ABCB11: variants seen among roughly 807,000 people sequenced by gnomAD.
The protein encoded by ABCB11 is bile salt export pump.
In ABCB11, 95 loss-of-function variants were observed where a neutral mutation model predicts 148.0. The observed-to-expected ratio is 0.64, with a 90% CI of 0.54 to 0.76. ABCB11 has a LOEUF of 0.76. Among genes scored for constraint, ABCB11 ranks in the 30% least tolerant of loss-of-function variants. The probability of loss-of-function intolerance (pLI) is 0.00; values close to 1 mark genes in which losing one functional copy is unlikely to be tolerated. For missense variants in ABCB11, 1,523 were observed against 1,617.8 expected, an observed-to-expected ratio of 0.94 and a Z score of 1.01; for synonymous variants, 591 against 555.4, an observed-to-expected ratio of 1.06 and a Z score of -0.90.
intron 10 of ABCB11, 134 bp from the exon 11 acceptor site, chr2:168,980,113 T>A: frequency 1.9e-6 from 1 of 526,970 alleles, no homozygotes; most frequent in East Asian, 3.4e-5. Flanking sequence ...GCTAGCTCTT[T>A]GGCTGTTTGG....
chr2:168,921,732 A>G lies in ABCB11; in HGVS notation c.*1890T>C, dbSNP rs1486036985. Among the ~76,000 whole-genome samples the G allele has an allele frequency of 6.6e-6, 1 of 152,060 alleles. No homozygotes were observed. Among genetic ancestry groups the G allele is most frequent in the Non-Finnish European group, 1.5e-5 (1 of 68,018 alleles). On this transcript the variant is annotated 3_prime_UTR_variant, in exon 28 of 28. Coordinates refer to ENST00000650372, the MANE Select transcript of ABCB11 (RefSeq NM_003742.4). ...TCCCATGCAAGGAGGAGACACCAAA[A>G]AGCCTGGGGAAGCTCTGATCGAGTG...
At chr2:168,996,400 G>A (rs1694713770) in intron 6 of ABCB11, among the ~76,000 whole-genome samples, 1 of 151,846 alleles carries the variant, frequency 6.6e-6, no homozygotes, top group Non-Finnish European at 1.5e-5. Flanking sequence ...AAAGGCAGGG[G>A]GAGGACAGGA....
At chr2:168,935,092 G>T in intron 23 of ABCB11, 92 bp downstream of exon 23, 1 of 1,513,014 alleles carries the variant, frequency 6.6e-7, no homozygotes, top group Non-Finnish European at 9.0e-7. Flanking sequence ...AGCTTGGGAT[G>T]GTTTGCTAAG....
chr2:169,008,915 T>C (rs1372098690), intron 5 of ABCB11, among the ~76,000 whole-genome samples: 1 of 152,242 alleles, frequency 6.6e-6, no homozygotes, highest in Non-Finnish European at 1.5e-5. Flanking sequence ...GATGAACAGA[T>C]ACATAACATG....
At chr2:169,027,241 C>G (rs768280756) in intron 1 of ABCB11, among the ~76,000 whole-genome samples, 2 of 152,124 alleles carry the variant, frequency 1.3e-5, no homozygotes, top group Non-Finnish European at 2.9e-5. Context: ...TTAAGGGAAT[C>G]TAAGAGTAAA....
chr2:168,938,238 C>T (rs1691912779), intron 21 of ABCB11, among the ~76,000 whole-genome samples: 2 of 152,158 alleles, frequency 1.3e-5, no homozygotes, highest in Non-Finnish European at 2.9e-5. Context: ...CTCATTTGTA[C>T]ACCCACGTTC....
intron 13 of ABCB11, among the ~76,000 whole-genome samples, chr2:168,973,058 CT>C (rs1465582700): frequency 6.6e-6 from 1 of 151,950 alleles, no homozygotes; most frequent in Non-Finnish European, 1.5e-5. Flanking sequence ...GGACTGCTCT[CT>C]CTTAATTTCA....
intron 19 of ABCB11, among the ~76,000 whole-genome samples, chr2:168,948,849 G>C (rs1467089847): frequency 1.3e-5 from 2 of 151,596 alleles, no homozygotes; most frequent in Non-Finnish European, 3.0e-5. Context: ...TGGTGGCTGG[G>C]GCCCTCCTTA....
chr2:168,928,725 C>T (rs866176675), intron 25 of ABCB11, among the ~76,000 whole-genome samples: 1 of 152,160 alleles, frequency 6.6e-6, no homozygotes. Flanking sequence ...TCTATGTTGG[C>T]TGCAGGCATG....
chr2:168,985,391 A>G (rs1161740554), intron 10 of ABCB11, among the ~76,000 whole-genome samples: 19 of 152,266 alleles, frequency 1.2e-4, no homozygotes, highest in Admixed American at 1.2e-3. Flanking sequence ...CAATCCCACT[A>G]CTGGGTATCT....
Position 168,995,341 on chromosome 2 carries a change from C to G in ABCB11, c.611+8G>C, listed in dbSNP as rs1316685102. ...ACACACTAAAATACTGTTTTACCAG[C>G]TACTTACTCAGAGAATCTTGTATTC... On this transcript the variant is annotated splice_region_variant and intron_variant, in intron 7 of 27. Coordinates refer to ENST00000650372, the MANE Select transcript of ABCB11 (RefSeq NM_003742.4). 2 of 1,610,632 alleles carry G rather than the reference C, an allele frequency of 1.2e-6. No individual in the cohort carries two copies. Among genetic ancestry groups the G allele is most frequent in the East Asian group, 2.2e-5 (1 of 44,764 alleles).
intron 21 of ABCB11, among the ~76,000 whole-genome samples, chr2:168,940,414 TC>T (rs2105905269): frequency 6.6e-6 from 1 of 152,200 alleles, no homozygotes; most frequent in South Asian, 2.1e-4. Context: ...GGAGACAAGA[TC>T]AAACCTGCTA....
At chr2:168,986,330 A>AT in intron 9 of ABCB11, 46 bp from the exon 10 acceptor site, 1 of 1,530,918 alleles carries the variant, frequency 6.5e-7, no homozygotes, top group Admixed American at 1.7e-5. Flanking sequence ...AAACAGCTCA[A>AT]GTTATAATGT....
At chr2:169,026,393 G>A (rs1035255186) in intron 1 of ABCB11, among the ~76,000 whole-genome samples, 1 of 152,198 alleles carries the variant, frequency 6.6e-6, no homozygotes, top group African/African-American at 2.4e-5. Flanking sequence ...GTCAGAAATG[G>A]AAGCTAGTCC....
chr2:168,996,710 G>C lies in ABCB11; in HGVS notation c.402C>G (p.Ile134Met). 1.3e-6 allele frequency: 2 copies of C among 1,560,258 alleles called. No homozygotes were observed. Among genetic ancestry groups the C allele is most frequent in the Non-Finnish European group, 1.7e-6 (2 of 1,149,986 alleles). The change falls in exon 6 of 28, where the codon ATC becomes ATG. Residue 134 changes from isoleucine (I) to methionine (M), a missense_variant. Coordinates refer to ENST00000650372, the MANE Select transcript of ABCB11 (RefSeq NM_003742.4). ...TNGTRCGLLN[I>M]ESEMIKFASY... The stretch of plus-strand genomic sequence containing the variant: ...TGGCAAATTTGATCATTTCGCTCTC[G>C]ATGTTCAGCAACCTTCAAAAGAGGG...
chr2:168,947,593 A>G (rs1304904358), intron 19 of ABCB11, among the ~76,000 whole-genome samples: 1 of 151,806 alleles, frequency 6.6e-6, no homozygotes, highest in East Asian at 1.9e-4. Context: ...CAGAAGGAAA[A>G]TAGAGCAACT....
At chr2:168,978,591 A>T (rs1164137074) in intron 11 of ABCB11, among the ~76,000 whole-genome samples, 1 of 152,156 alleles carries the variant, frequency 6.6e-6, no homozygotes, top group Non-Finnish European at 1.5e-5. Context: ...CAGTGAACCA[A>T]ACAGGTTCAG....
At chr2:169,013,869 T>C (rs3815676) in intron 4 of ABCB11, among the ~76,000 whole-genome samples, 7,647 of 152,212 alleles carry the variant, frequency 0.05, 224 homozygotes, top group African/African-American at 0.066. Context: ...GTGTGGGGCA[T>C]TGAGAAATAC....
In ABCB11 at chr2:168,990,929, A is replaced by G. The variant is rs1357491667; in HGVS notation, c.784-4T>C. 3.1e-6 allele frequency: 5 copies of G among 1,609,398 alleles called. No individual in the cohort carries two copies. The African/African-American group carries it at 6.7e-5, about 22-fold the overall frequency. On this transcript the variant is annotated splice_polypyrimidine_tract_variant and splice_region_variant and intron_variant, in intron 8 of 27. Transcript: ENST00000650372. ...AGTCCGTAAACTTGGACACACTCTA[A>G]AAATCAAAAAGAAGAAAAGAAAATG...
Sources: allele counts gnomAD v4.1 joint callset (sites outside exome capture counted in the v4.1 genomes callset), GRCh38; gene constraint gnomAD v4.1.1; transcripts MANE v1.5; gene names NCBI Gene and HGNC (gene_info 2026-07-23, HGNC 2026-07-21).